C14orf39: variants seen among roughly 807,000 people sequenced by gnomAD.
C14orf39 encodes chromosome 14 open reading frame 39.
C14orf39 carries 66 observed loss-of-function variants against 85.6 expected under a neutral mutation model. That is an observed-to-expected ratio of 0.77 (90% CI 0.63 to 0.95). C14orf39 has a LOEUF of 0.95. Among genes scored for constraint, C14orf39 ranks in the 40% least tolerant of loss-of-function variants. The pLI is 0.00. For synonymous variants in C14orf39, 242 were observed against 214.0 expected, an observed-to-expected ratio of 1.13 and a Z score of -1.14; for missense variants, 735 against 663.9, an observed-to-expected ratio of 1.11 and a Z score of -1.18.
At chr14:60,486,780 G>C (rs962357522), upstream of C14orf39, among the ~76,000 whole-genome samples, 4 of 152,188 alleles carry the variant, frequency 2.6e-5, no homozygotes, top group African/African-American at 9.6e-5. Context: ...AAGTGAAAAA[G>C]AAGGTTTCAG....
chr14:60,511,400 G>A, intron 1 of C14orf39: 2 of 956,520 alleles, frequency 2.1e-6, no homozygotes, highest in African/African-American at 1.6e-5. Context: ...GCCGTTTCCC[G>A]CCCCACCCCG....
intron 1 of C14orf39, among the ~76,000 whole-genome samples, chr14:60,502,613 A>G (rs1358459513): frequency 6.6e-6 from 1 of 152,226 alleles, no homozygotes; most frequent in Non-Finnish European, 1.5e-5. Context: ...AAAATTTCAT[A>G]GTTTGAAAGA....
intron 17 of C14orf39, among the ~76,000 whole-genome samples, chr14:60,440,523 C>T (rs983392120): frequency 6.6e-6 from 1 of 152,190 alleles, no homozygotes; most frequent in Admixed American, 6.5e-5. Flanking sequence ...TACTACTCAT[C>T]AATTCTCACT....
intron 4 of C14orf39, among the ~76,000 whole-genome samples, chr14:60,479,507 C>A (rs1892540435): frequency 6.6e-6 from 1 of 152,126 alleles, no homozygotes; most frequent in African/African-American, 2.4e-5. Flanking sequence ...ATAACTATCT[C>A]ATAAACTTGC....
chr14:60,493,008 A>T (rs1429262137), intron 2 of C14orf39, among the ~76,000 whole-genome samples: 1 of 152,146 alleles, frequency 6.6e-6, no homozygotes, highest in Non-Finnish European at 1.5e-5. Flanking sequence ...TCAGATTTTC[A>T]ATAGAGTAGG....
At chr14:60,502,488 T>A (rs899341297) in intron 1 of C14orf39, among the ~76,000 whole-genome samples, 1 of 152,192 alleles carries the variant, frequency 6.6e-6, no homozygotes, top group Non-Finnish European at 1.5e-5. Context: ...AAAAATCAGT[T>A]CAGCCCCCAA....
chr14:60,460,867 T>A (rs182482238), intron 13 of C14orf39, among the ~76,000 whole-genome samples: 5 of 151,906 alleles, frequency 3.3e-5, no homozygotes, highest in Admixed American at 1.3e-4. Flanking sequence ...AGAGGCATTA[T>A]TTATAATAGT....
Position 60,501,306 on chromosome 14 carries a change from C to CAAAAAAAAAAA in C14orf39, c.-143-1887_-143-1877dup, listed in dbSNP as rs66800067. On this transcript the variant is annotated intron_variant, in intron 1 of 5. Transcript: ENST00000556799. ...GGGCAACAGAGCAAGACCCTGTCTC[C>CAAAAAAAAAAA]AAAAAAAAAAAAAAAAAAAGCAATC... 1.9e-5 allele frequency among the ~76,000 whole-genome samples: 2 copies of CAAAAAAAAAAA among 105,616 alleles called. 1 individual carries two copies. The allele number at this position is 105,616 out of a possible 152,430, so 69.3% of individuals were successfully genotyped here.
upstream of C14orf39, among the ~76,000 whole-genome samples, chr14:60,486,268 AAAG>A (rs1269283105): frequency 6.6e-6 from 1 of 152,246 alleles, no homozygotes; most frequent in East Asian, 1.9e-4. Flanking sequence ...GAGGACCCTC[AAAG>A]AAGTAGAGAC....
intron 11 of C14orf39, among the ~76,000 whole-genome samples, chr14:60,463,498 T>G (rs755688291): frequency 6.8e-4 from 103 of 152,094 alleles, no homozygotes; most frequent in Non-Finnish European, 1.0e-3. Flanking sequence ...TTTCGGGTGA[T>G]GGAAATATTC....
chr14:60,496,592 A>G (rs1261581600), intron 2 of C14orf39: 1 of 161,160 alleles, frequency 6.2e-6, no homozygotes, highest in African/African-American at 2.4e-5. Context: ...CATGATGAAG[A>G]TAGGTGGATT....
intron 9 of C14orf39, among the ~76,000 whole-genome samples, chr14:60,467,808 T>A (rs1025764608): frequency 3.3e-5 from 5 of 151,522 alleles, no homozygotes; most frequent in Admixed American, 6.6e-5. Flanking sequence ...TTAAGGGCCA[T>A]GGAACTTGAG....
At chr14:60,504,256 T>C (rs563211569) in intron 1 of C14orf39, among the ~76,000 whole-genome samples, 2 of 152,352 alleles carry the variant, frequency 1.3e-5, no homozygotes, top group South Asian at 4.1e-4. Context: ...ACTCAAAGAA[T>C]TTAAGGTATT....
intron 1 of C14orf39, chr14:60,509,748 A>C (rs1893261789): frequency 6.2e-7 from 1 of 1,613,270 alleles, no homozygotes; most frequent in African/African-American, 1.3e-5. Context: ...CGAGTAAGGA[A>C]GAAGTTCCCG....
In C14orf39 at chr14:60,456,925, CG is replaced by C; in HGVS notation, c.1349del (p.Pro450ArgfsTer27). On this transcript the variant is annotated frameshift_variant, in exon 15 of 18. Coordinates refer to ENST00000321731, the MANE Select transcript of C14orf39 (RefSeq NM_174978.3). LOFTEE classifies it high-confidence loss of function. The part of the protein sequence containing the change: ...LEKIKFPKTP[P>X]FEINRNRNAV... ...ATTAATTAAAATCCTACATTTCGAA[CG>C]GGGGGGTTTTAGGGAATTTTATTTT... 58 of 1,558,390 alleles carry C rather than the reference CG, an allele frequency of 3.7e-5. No homozygotes were observed. The highest frequency in any genetic ancestry group is 8.6e-5 in the South Asian group (7 of 81,528).
chr14:60,444,168 G>T (rs1890653948), intron 16 of C14orf39, among the ~76,000 whole-genome samples: 1 of 152,176 alleles, frequency 6.6e-6, no homozygotes, highest in Non-Finnish European at 1.5e-5. Context: ...CTCCTTGCCA[G>T]CAATGGAACA....
intron 1 of C14orf39, among the ~76,000 whole-genome samples, chr14:60,501,584 T>G (rs943881214): frequency 5.9e-5 from 9 of 152,182 alleles, no homozygotes; most frequent in African/African-American, 1.9e-4. Flanking sequence ...ATTTCTGTTG[T>G]TTTAAGCCAC....
chr14:60,473,764 C>T (rs184061252), intron 5 of C14orf39, among the ~76,000 whole-genome samples: 1 of 152,096 alleles, frequency 6.6e-6, no homozygotes, highest in Non-Finnish European at 1.5e-5. Flanking sequence ...TGGTCTGTAT[C>T]TCTCTTTTGG....
chr14:60,488,463 A>G (rs1412802249), upstream of C14orf39, among the ~76,000 whole-genome samples: 1 of 152,180 alleles, frequency 6.6e-6, no homozygotes, highest in Non-Finnish European at 1.5e-5. Flanking sequence ...TTGAAAAATT[A>G]TAGAACTTTG....
Sources: gnomAD v4.1 joint callset for allele counts (sites outside exome capture counted in the v4.1 genomes callset) on GRCh38, gnomAD v4.1.1 for gene constraint, MANE v1.5 for transcripts, NCBI Gene and HGNC (gene_info 2026-07-23, HGNC 2026-07-21) for gene names.